Variants in ZFAND3 observed in about 807,000 individuals in gnomAD.
ZFAND3 encodes the protein AN1-type zinc finger protein 3.
In ZFAND3, 10 loss-of-function variants were observed where a neutral mutation model predicts 29.6. The ratio of observed to expected loss-of-function variants is 0.34; its 90% confidence interval spans 0.21 to 0.57. The LOEUF is 0.57. Ranked by LOEUF, ZFAND3 falls within the 20% of genes least tolerant of loss-of-function variation. The pLI is 0.86. For synonymous variants in ZFAND3, 128 were observed against 112.6 expected (o/e 1.14, Z -0.87); for missense variants, 230 against 304.5 (o/e 0.76, Z 1.82).
At chr6:37,950,458 AC>A (rs548321950) in intron 2 of ZFAND3, among the ~76,000 whole-genome samples, 157 of 150,870 alleles carry the variant, frequency 1.0e-3, no homozygotes, top group African/African-American at 2.6e-3. Context: ...GCTCACTGCA[AC>A]CTCTGCCCCC....
At chr6:37,908,016 C>T (rs759625309) in intron 1 of ZFAND3, among the ~76,000 whole-genome samples, 2 of 152,082 alleles carry the variant, frequency 1.3e-5, no homozygotes, top group African/African-American at 4.8e-5. Context: ...AAACTTGTCC[C>T]AAAAATGTCT....
At chr6:38,103,851 G>A (rs558473606) in intron 4 of ZFAND3, among the ~76,000 whole-genome samples, 106 of 152,014 alleles carry the variant, frequency 7.0e-4, no homozygotes, top group Admixed American at 1.5e-3. Context: ...TACCTTATTC[G>A]GTACTCCACT....
At chr6:37,989,819 A>G (rs1368315516) in intron 2 of ZFAND3, among the ~76,000 whole-genome samples, 1 of 152,204 alleles carries the variant, frequency 6.6e-6, no homozygotes, top group Non-Finnish European at 1.5e-5. Flanking sequence ...TCTGGAATCC[A>G]TCTGGATGTT....
At chr6:38,046,403 G>C (rs981703733) in intron 2 of ZFAND3, among the ~76,000 whole-genome samples, 2 of 152,138 alleles carry the variant, frequency 1.3e-5, no homozygotes, top group Non-Finnish European at 2.9e-5. Context: ...TTCCATTCAA[G>C]ACATAATTAC....
chr6:37,860,454 C>T (rs896147823), intron 1 of ZFAND3, among the ~76,000 whole-genome samples: 2 of 152,004 alleles, frequency 1.3e-5, no homozygotes, highest in African/African-American at 4.8e-5. Context: ...TTTAGGAAGA[C>T]AGTGAGTTAG....
chr6:37,841,772 C>T (rs1036035395), intron 1 of ZFAND3, among the ~76,000 whole-genome samples: 9 of 152,280 alleles, frequency 5.9e-5, no homozygotes, highest in Non-Finnish European at 8.8e-5. Flanking sequence ...CGTGAGCCAC[C>T]GTGCCCAGCC....
intron 3 of ZFAND3, among the ~76,000 whole-genome samples, chr6:38,078,631 C>T (rs769288562): frequency 4.6e-5 from 7 of 152,184 alleles, no homozygotes; most frequent in Non-Finnish European, 8.8e-5. Context: ...TAAACCCAAA[C>T]TCAGTTGCCA....
At chr6:38,127,649 A>G (rs1410657152) in intron 5 of ZFAND3, among the ~76,000 whole-genome samples, 1 of 151,824 alleles carries the variant, frequency 6.6e-6, no homozygotes, top group Non-Finnish European at 1.5e-5. Flanking sequence ...AGAATCACGT[A>G]CCACCAGAAT....
intron 5 of ZFAND3, among the ~76,000 whole-genome samples, chr6:38,144,061 A>G (rs1260776907): frequency 7.9e-5 from 12 of 151,212 alleles, no homozygotes; most frequent in Admixed American, 7.9e-4. Context: ...ATGCTTTACA[A>G]CAAGCTTCCT....
intron 2 of ZFAND3, among the ~76,000 whole-genome samples, chr6:38,041,714 C>T (rs6932846): frequency 0.53 from 1,443 of 2,728 alleles, 203 homozygotes; most frequent in South Asian, 0.77. Flanking sequence ...TCCTCCTCCT[C>T]CTCCTCCTCC....
intron 2 of ZFAND3, among the ~76,000 whole-genome samples, chr6:38,010,341 G>A (rs1763125825): frequency 6.6e-6 from 1 of 152,190 alleles, no homozygotes; most frequent in Admixed American, 6.5e-5. Flanking sequence ...TCAGTTGGGA[G>A]TTGATTTTTT....
chr6:37,998,879 A>G (rs1410116825), intron 2 of ZFAND3, among the ~76,000 whole-genome samples: 1 of 152,172 alleles, frequency 6.6e-6, no homozygotes, highest in Non-Finnish European at 1.5e-5. Context: ...ACATATAGAA[A>G]TATTTACAGA....
At chr6:37,831,861 A>G (rs946501856) in intron 1 of ZFAND3, among the ~76,000 whole-genome samples, 16 of 152,200 alleles carry the variant, frequency 1.1e-4, no homozygotes, top group Non-Finnish European at 2.1e-4. Context: ...TTATGAAGAT[A>G]CTTCATTGCT....
intron 2 of ZFAND3, among the ~76,000 whole-genome samples, chr6:38,045,054 T>TTTTATTTA (rs3047087): frequency 0.13 from 17,088 of 134,602 alleles, 1,263 homozygotes; most frequent in Admixed American, 0.16. Flanking sequence ...GTGGAAATTC[T>TTTTATTTA]TTTATTTATT....
intron 2 of ZFAND3, among the ~76,000 whole-genome samples, chr6:37,992,747 A>T (rs1434801907): frequency 6.6e-6 from 1 of 152,194 alleles, no homozygotes; most frequent in Non-Finnish European, 1.5e-5. Flanking sequence ...AATTAATCCA[A>T]GATTAGGTTT....
intron 2 of ZFAND3, among the ~76,000 whole-genome samples, chr6:38,047,261 GCCAAGATCACGCCACTGCACTCC>G (rs1763921840): frequency 6.6e-6 from 1 of 151,038 alleles, no homozygotes; most frequent in African/African-American, 2.4e-5. Context: ...GTTGCAGTGA[GCCAAGATCACGCCACTGCACTCC>G]AGCCTGGGCA....
At chr6:38,025,395 A>G (rs1466251339) in intron 2 of ZFAND3, among the ~76,000 whole-genome samples, 1 of 152,186 alleles carries the variant, frequency 6.6e-6, no homozygotes, top group Non-Finnish European at 1.5e-5. Context: ...AAGTAATTTA[A>G]GTGGTATTTA....
intron 1 of ZFAND3, among the ~76,000 whole-genome samples, chr6:37,849,573 T>G (rs1260339635): frequency 6.6e-6 from 1 of 152,028 alleles, no homozygotes; most frequent in Non-Finnish European, 1.5e-5. Context: ...TATGCCTGGC[T>G]AATTTTTTGT....
intron 2 of ZFAND3, among the ~76,000 whole-genome samples, chr6:37,958,289 A>G (rs1762135630): frequency 6.6e-6 from 1 of 152,102 alleles, no homozygotes; most frequent in African/African-American, 2.4e-5. Context: ...CCCCATCTCT[A>G]CTAAAAATAC....
Sources: allele counts gnomAD v4.1 joint callset (sites outside exome capture counted in the v4.1 genomes callset), GRCh38; gene constraint gnomAD v4.1.1; transcripts MANE v1.5; gene names NCBI Gene and HGNC (gene_info 2026-07-23, HGNC 2026-07-21).